CRB1: variants seen among roughly 807,000 people sequenced by gnomAD.
The protein encoded by CRB1 is protein crumbs homolog 1.
CRB1 carries 83 observed loss-of-function variants against 120.0 expected under a neutral mutation model. The ratio of observed to expected loss-of-function variants is 0.69; its 90% CI spans 0.58 to 0.83. The LOEUF is 0.83. Among genes scored for constraint, CRB1 ranks in the 40% least tolerant of loss-of-function variants. CRB1 has a pLI of 0.00. For missense variants in CRB1, 1,699 were observed against 1,687.6 expected (o/e 1.01, Z -0.12); for synonymous variants, 625 against 612.5 (o/e 1.02, Z -0.30).
At chr1:197,219,162 T>A in the CRB1 span, among the ~76,000 whole-genome samples, 1 of 152,174 alleles carries the variant, frequency 6.6e-6, no homozygotes, top group African/African-American at 2.4e-5. Flanking sequence ...AAAAAGAAAT[T>A]GTCATTGATG....
chr1:197,423,646 A>T (rs1268880054), intron 6 of CRB1, among the ~76,000 whole-genome samples: 3 of 152,186 alleles, frequency 2.0e-5, no homozygotes, highest in Non-Finnish European at 4.4e-5. Context: ...TCTTTCTGCT[A>T]CTGTACATAT....
intron 2 of CRB1, among the ~76,000 whole-genome samples, chr1:197,334,209 T>C (rs999701169): frequency 1.3e-5 from 2 of 152,258 alleles, no homozygotes; most frequent in South Asian, 2.1e-4. Flanking sequence ...TAGACAGTTA[T>C]GTGGATTTCC....
chr1:197,283,212 A>T (rs1399347510), intron 1 of CRB1, among the ~76,000 whole-genome samples: 2 of 151,790 alleles, frequency 1.3e-5, no homozygotes. Flanking sequence ...ACAAAGAAAA[A>T]TTCTGGAGGG....
At chr1:197,475,522 G>T (rs188599781) in intron 11 of CRB1, among the ~76,000 whole-genome samples, 2 of 152,132 alleles carry the variant, frequency 1.3e-5, no homozygotes, top group East Asian at 3.9e-4. Context: ...TGACTAATAA[G>T]ATAAACTAAC....
Position 197,344,445 on chromosome 1 carries a change from C to T in CRB1, c.817C>T (p.His273Tyr), listed in dbSNP as rs1324068019. 6.2e-7 allele frequency: 1 copy of T among 1,614,046 alleles called. No homozygotes were observed. Among genetic ancestry groups the T allele is most frequent in the Admixed American group, 1.7e-5 (1 of 59,998 alleles). Residue 273 changes from histidine to tyrosine, a missense_variant, in exon 3 of 12, where the codon CAT becomes TAT. By Grantham distance (83) the His-to-Tyr change is moderately conservative (BLOSUM62 2). Transcript: ENST00000367400. ...TGAGTGTGCCAGTCAACCTTGTCTC[C>T]ATGGAGGGCTGTGTGTGGATGGAGA... ...TDECASQPCLHGGLCVDGENR... is the reference protein window; with the variant it reads ...TDECASQPCLYGGLCVDGENR...
chr1:197,445,130 G>T (rs1474110637), intron 11 of CRB1, among the ~76,000 whole-genome samples: 7 of 152,272 alleles, frequency 4.6e-5, no homozygotes, highest in Middle Eastern at 3.4e-3. Context: ...GCTAGCCATA[G>T]TTCAACCTGG....
In CRB1 at chr1:197,328,788, A is replaced by G; in HGVS notation, c.437A>G (p.Glu146Gly). The G allele has an allele frequency of 6.2e-7, 1 of 1,613,616 alleles. No individual in the cohort carries two copies. The highest frequency in any genetic ancestry group is 1.1e-5 in the South Asian group (1 of 91,020). The change falls in exon 2 of 12, where the codon GAG (glutamate) becomes GGG (glycine). Residue 146 changes from glutamate (E) to glycine (G), a missense_variant. Physicochemically the swap from Glu to Gly is moderately conservative, Grantham distance 98 (BLOSUM62 -2). Coordinates refer to ENST00000367400, the MANE Select transcript of CRB1 (RefSeq NM_201253.3). ...CPAGYAGRFC[E>G]IDHDECASSP... Reference sequence around the variant, plus strand: ...GCTGGATATGCTGGAAGATTCTGTGAGATAGATCACGATGAGTGTGCTTCC... The same window carrying G: ...GCTGGATATGCTGGAAGATTCTGTGGGATAGATCACGATGAGTGTGCTTCC...
rs149190303 is a variant in CRB1 at position 197,419,974 on chromosome 1, C to T, written c.1172-1026C>T. On this transcript the variant is annotated intron_variant, in intron 5 of 11. Transcript: ENST00000367400. The stretch of plus-strand genomic sequence containing the variant: ...CCAGCCTGGGCGACAGAGCGAGACA[C>T]GATCTCAAAAACGAAAAAAAAAAAA... Among the ~76,000 whole-genome samples the T allele has an allele frequency of 3.7e-5, 5 of 133,478 alleles. No homozygotes were observed. The East Asian group carries it at 9.1e-4, about 24-fold the overall frequency. 87.6% of individuals were successfully genotyped at this position (133,478 alleles called of 152,430 possible).
At chr1:197,209,268 G>T in the CRB1 span, among the ~76,000 whole-genome samples, 1 of 152,146 alleles carries the variant, frequency 6.6e-6, no homozygotes, top group South Asian at 2.1e-4. Context: ...CAGAAACTTT[G>T]CATTCAATCA....
At chr1:197,430,925 A>G (rs1558134792) in intron 8 of CRB1, among the ~76,000 whole-genome samples, 2 of 151,950 alleles carry the variant, frequency 1.3e-5, no homozygotes, top group Non-Finnish European at 2.9e-5. Flanking sequence ...TACATGCTGG[A>G]TGCAGTGACT....
intron 1 of CRB1, among the ~76,000 whole-genome samples, chr1:197,278,999 T>C (rs1317581911): frequency 1.3e-5 from 2 of 151,892 alleles, no homozygotes; most frequent in Non-Finnish European, 2.9e-5. Flanking sequence ...TAGATAGAGG[T>C]AGAAATTTTA....
chr1:197,237,607 G>A, the CRB1 span, among the ~76,000 whole-genome samples: 7 of 152,208 alleles, frequency 4.6e-5, no homozygotes, highest in East Asian at 9.6e-4. Flanking sequence ...AGTTGGTGTC[G>A]CTAAAGGAAT....
At chr1:197,381,438 C>A (rs190060402) in intron 5 of CRB1, among the ~76,000 whole-genome samples, 1 of 152,116 alleles carries the variant, frequency 6.6e-6, no homozygotes, top group Non-Finnish European at 1.5e-5. Flanking sequence ...CTTTCAGTGG[C>A]ACAGAATTGG....
intron 3 of CRB1, 77 bp downstream of exon 3, chr1:197,344,553 G>A (rs1045718329): frequency 8.0e-6 from 11 of 1,381,140 alleles, no homozygotes; most frequent in Non-Finnish European, 1.0e-5. Flanking sequence ...GTTGAATTTA[G>A]AGCTCTCACG....
intron 11 of CRB1, among the ~76,000 whole-genome samples, chr1:197,454,208 C>T (rs1243852011): frequency 6.6e-6 from 1 of 151,536 alleles, no homozygotes; most frequent in Non-Finnish European, 1.5e-5. Context: ...TAATACTGTA[C>T]TGTGCACTTG....
chr1:197,425,381 A>G (rs1664530082), intron 6 of CRB1, among the ~76,000 whole-genome samples: 2 of 152,190 alleles, frequency 1.3e-5, no homozygotes, highest in Non-Finnish European at 2.9e-5. Context: ...AGATCTTCAA[A>G]CACAGTTGAT....
intron 5 of CRB1, among the ~76,000 whole-genome samples, chr1:197,370,251 G>T (rs1057101912): frequency 1.3e-5 from 2 of 151,440 alleles, no homozygotes; most frequent in African/African-American, 2.4e-5. Flanking sequence ...AAAAAAAACC[G>T]CAAGGTATTT....
intron 1 of CRB1, among the ~76,000 whole-genome samples, chr1:197,284,512 C>G (rs1315845138): frequency 6.6e-6 from 1 of 151,910 alleles, no homozygotes; most frequent in Non-Finnish European, 1.5e-5. Context: ...TTCCCAATTA[C>G]TCGTTAAACA....
At chr1:197,475,082 A>G (rs1452360554) in intron 11 of CRB1, among the ~76,000 whole-genome samples, 1 of 152,122 alleles carries the variant, frequency 6.6e-6, no homozygotes, top group Non-Finnish European at 1.5e-5. Flanking sequence ...AAACTACTGA[A>G]CTCTATGAAA....
Sources: allele counts gnomAD v4.1 joint callset (sites outside exome capture counted in the v4.1 genomes callset), GRCh38; gene constraint gnomAD v4.1.1; transcripts MANE v1.5; gene names NCBI Gene and HGNC (gene_info 2026-07-23, HGNC 2026-07-21).